The following JAKMIP3 variants were observed in gnomAD, a reference collection of about 807,000 sequenced individuals.
JAKMIP3 encodes janus kinase and microtubule-interacting protein 3.
JAKMIP3 carries 58 observed loss-of-function variants against 118.5 expected under a neutral mutation model. The ratio of observed to expected loss-of-function variants is 0.49; its 90% CI spans 0.40 to 0.61. The LOEUF (loss-of-function observed/expected upper bound fraction) is 0.61. Among genes scored for constraint, JAKMIP3 ranks in the 20% least tolerant of loss-of-function variants. The pLI, the probability that JAKMIP3 is intolerant of heterozygous loss-of-function variation, is 0.00. For synonymous variants in JAKMIP3, 486 were observed against 451.2 expected, an observed-to-expected ratio of 1.08 and a Z score of -0.98; for missense variants, 950 against 1,109.0, an observed-to-expected ratio of 0.86 and a Z score of 2.04.
chr10:132,163,164 T>C (rs771387845), intron 19 of JAKMIP3, 45 bp from the exon 20 acceptor site: 5 of 1,527,212 alleles, frequency 3.3e-6, no homozygotes, highest in African/African-American at 1.4e-5. Flanking sequence ...AAAGGTTTGT[T>C]CTGGGGAGAA....
chr10:132,075,350 G>A (rs1002101624), intron 1 of JAKMIP3, among the ~76,000 whole-genome samples: 1 of 130,804 alleles, frequency 7.6e-6, no homozygotes, highest in East Asian at 2.3e-4. Context: ...AAGAAATAAT[G>A]CTCCCTTTAA....
Position 132,139,268 on chromosome 10 carries a change from G to A in JAKMIP3, c.1344+1090G>A, listed in dbSNP as rs1480266777. Reference sequence around the variant, plus strand: ...TGTGTGTATGTGTGTGTGTGTATGTGTGTACATGTGAGTGTATATGCATCT... The same window carrying A: ...TGTGTGTATGTGTGTGTGTGTATGTATGTACATGTGAGTGTATATGCATCT... On this transcript the variant is annotated intron_variant, in intron 9 of 23. Coordinates refer to ENST00000684848, the MANE Select transcript of JAKMIP3 (RefSeq NM_001323087.2). 2.6e-5 allele frequency among the ~76,000 whole-genome samples: 4 copies of A among 151,110 alleles called. 1 individual carries two copies. Among genetic ancestry groups the A allele is most frequent in the Non-Finnish European group, 5.9e-5 (4 of 67,642 alleles).
In JAKMIP3 at chr10:132,180,608, T is replaced by TGCGC. The variant is rs1311815561; in HGVS notation, c.*1104-1748_*1104-1747insCGCG. On this transcript the variant is annotated intron_variant, in intron 23 of 23. Transcript: ENST00000684848. ...GCGCGTGTGTGTGTGCGTGCGCGTG[T>TGCGC]GTGTGTGCGTGTGTGTGCGTGTGTG... 3.2e-3 allele frequency among the ~76,000 whole-genome samples: 90 copies of TGCGC among 28,406 alleles called. 15 individuals carry two copies. The highest frequency in any genetic ancestry group is 3.9e-3 in the South Asian group (2 of 512). The allele number at this position is 28,406 out of a possible 152,430, so 18.6% of individuals were successfully genotyped here.
At chr10:132,169,608 C>T (rs1402489521) in intron 23 of JAKMIP3, among the ~76,000 whole-genome samples, 4 of 152,082 alleles carry the variant, frequency 2.6e-5, no homozygotes, top group African/African-American at 4.8e-5. Context: ...CAGGGTGAGC[C>T]GGTTCTTGGG....
At chr10:132,071,264 A>G (rs985634863) in intron 1 of JAKMIP3, among the ~76,000 whole-genome samples, 2 of 151,646 alleles carry the variant, frequency 1.3e-5, no homozygotes, top group Non-Finnish European at 2.9e-5. Flanking sequence ...CTTTTTGGCC[A>G]GAGAACGTAC....
chr10:132,068,070 GACTGTGGGTT>G (rs2039184275), intron 1 of JAKMIP3, among the ~76,000 whole-genome samples: 1 of 27,284 alleles, frequency 3.7e-5, no homozygotes, highest in East Asian at 1.8e-3. Flanking sequence ...CTTCCGTGTG[GACTGTGGGTT>G]TCTGTGTGGA....
Position 132,096,674 on chromosome 10 carries a change from C to T in JAKMIP3, c.-137-7998C>T, listed in dbSNP as rs530065101. Among the ~76,000 whole-genome samples the T allele has an allele frequency of 2.0e-5, 3 of 152,030 alleles. No individual in the cohort carries two copies. In the East Asian group the frequency reaches 5.8e-4, roughly 29 times the overall value. ...TTAAGTTGTGGCCAGCCTTCTGCCTCTGGATAGATGGAGGGGACATACTTT... is the reference window on the plus strand; with the variant it reads ...TTAAGTTGTGGCCAGCCTTCTGCCTTTGGATAGATGGAGGGGACATACTTT... On this transcript the variant is annotated intron_variant, in intron 1 of 23. Coordinates refer to ENST00000684848, the MANE Select transcript of JAKMIP3 (RefSeq NM_001323087.2).
At chr10:132,040,421 CT>C (rs2037699850) in intron 1 of JAKMIP3, among the ~76,000 whole-genome samples, 1 of 152,216 alleles carries the variant, frequency 6.6e-6, no homozygotes, top group South Asian at 2.1e-4. Flanking sequence ...TATACATCTG[CT>C]GGCTGCCTGC....
intron 22 of JAKMIP3, among the ~76,000 whole-genome samples, 153 bp downstream of exon 22, chr10:132,167,208 C>CCGCG (rs57422931): frequency 0.08 from 12,214 of 152,204 alleles, 549 homozygotes; most frequent in Middle Eastern, 0.14. Flanking sequence ...AGAAAGCCAC[C>CCGCG]CGCGTCCTTC....
At chr10:132,090,007 A>G (rs1251024866) in intron 1 of JAKMIP3, among the ~76,000 whole-genome samples, 2 of 152,214 alleles carry the variant, frequency 1.3e-5, no homozygotes, top group African/African-American at 4.8e-5. Context: ...ATGCTGGATT[A>G]CGTTTATTGA....
At chr10:132,042,920 T>C (rs2037804733) in intron 1 of JAKMIP3, among the ~76,000 whole-genome samples, 2 of 68,778 alleles carry the variant, frequency 2.9e-5, no homozygotes, top group South Asian at 7.1e-4. Flanking sequence ...CAAGACCCCA[T>C]GTCTCAAAAA....
chr10:132,180,742 C>CGTGT lies in JAKMIP3; in HGVS notation c.*1104-1612_*1104-1611insTGTG, dbSNP rs1262889146. Among the ~76,000 whole-genome samples, 11 of 8,708 alleles carry CGTGT rather than the reference C, an allele frequency of 1.3e-3. 3 individuals are homozygous for CGTGT. The highest frequency in any genetic ancestry group is 2.3e-3 in the African/African-American group (4 of 1,724). The allele number at this position is 8,708 out of a possible 152,430, so 5.7% of individuals were successfully genotyped here. On this transcript the variant is annotated intron_variant, in intron 23 of 23. Transcript: ENST00000684848. ...GTGCGTGTGTGTGCGTGTGTGCGTG[C>CGTGT]GTGCGCGCGCGTGTGTGCGTGTGTG...
chr10:132,102,225 G>A (rs544543168), intron 1 of JAKMIP3, among the ~76,000 whole-genome samples: 89 of 152,174 alleles, frequency 5.8e-4, no homozygotes, highest in Non-Finnish European at 1.0e-3. Flanking sequence ...AAGCTGCCTA[G>A]GGTTTTGTCC....
intron 1 of JAKMIP3, among the ~76,000 whole-genome samples, chr10:132,070,585 T>C (rs951613797): frequency 6.6e-6 from 1 of 152,224 alleles, no homozygotes; most frequent in African/African-American, 2.4e-5. Flanking sequence ...CTTCCTTTTA[T>C]GTAGATGCGT....
intron 1 of JAKMIP3, among the ~76,000 whole-genome samples, chr10:132,043,086 C>T (rs771915204): frequency 6.6e-6 from 1 of 152,082 alleles, no homozygotes; most frequent in Non-Finnish European, 1.5e-5. Context: ...AGAGCAAGAT[C>T]CTCTCTCAAA....
chr10:132,057,359 C>T (rs914315997), intron 1 of JAKMIP3, among the ~76,000 whole-genome samples: 14 of 152,198 alleles, frequency 9.2e-5, no homozygotes, highest in African/African-American at 3.1e-4. Context: ...CCAGGCTTTG[C>T]GTGCATGAAA....
At chr10:132,137,221 G>A in intron 7 of JAKMIP3, 33 bp from the exon 8 acceptor site, 1 of 1,613,934 alleles carries the variant, frequency 6.2e-7, no homozygotes, top group Non-Finnish European at 8.5e-7. Context: ...GGGACCCTGA[G>A]CAATTCCGTA....
chr10:132,165,096 GC>G (rs1371587890), intron 21 of JAKMIP3, among the ~76,000 whole-genome samples: 1 of 152,240 alleles, frequency 6.6e-6, no homozygotes, highest in African/African-American at 2.4e-5. Context: ...CTGTGTGGAA[GC>G]CTTTGATCCG....
intron 1 of JAKMIP3, among the ~76,000 whole-genome samples, chr10:132,040,689 CTT>C (rs1231620031): frequency 6.7e-6 from 1 of 148,532 alleles, no homozygotes; most frequent in Non-Finnish European, 1.5e-5. Flanking sequence ...GATAAGAACA[CTT>C]AACATGAAAT....
Sources: allele counts gnomAD v4.1 joint callset (sites outside exome capture counted in the v4.1 genomes callset), GRCh38; gene constraint gnomAD v4.1.1; transcripts MANE v1.5; gene names NCBI Gene and HGNC (gene_info 2026-07-23, HGNC 2026-07-21).